The following FRMD5 variants were observed in gnomAD, a reference collection of about 807,000 sequenced individuals.
FRMD5 encodes the protein FERM domain-containing protein 5.
A neutral mutation model predicts 69.0 loss-of-function variants in FRMD5; 20 were observed. The observed-to-expected ratio is 0.29, with a 90% CI of 0.20 to 0.42. The LOEUF is 0.42. FRMD5 is among the 10% of genes least tolerant of loss of function. The pLI, the probability that FRMD5 is intolerant of heterozygous loss-of-function variation, is 1.00. For missense variants in FRMD5, 595 were observed against 708.6 expected (o/e 0.84, Z 1.82); for synonymous variants, 271 against 260.1 (o/e 1.04, Z -0.40).
Position 43,888,222 on chromosome 15 carries a change from C to A in FRMD5, c.837G>T (p.Ala279=). ...TTCCACATTTCCAGAGGTGCTTACA[C>A]GCTTCAGGAGTTGGAGCAAAATATG... ...ILTYFAPTPE[A]CKHLWKCGIE... Residue 279 remains alanine, a synonymous_variant, in exon 10 of 14, where the codon GCG becomes GCT. Transcript: ENST00000417257. 1 of 1,614,122 alleles carries A rather than the reference C, an allele frequency of 6.2e-7. No individual in the cohort carries two copies. The highest frequency in any genetic ancestry group is 8.5e-7 in the Non-Finnish European group (1 of 1,179,946).
At chr15:43,921,856 G>A (rs2089498544) in intron 2 of FRMD5, among the ~76,000 whole-genome samples, 1 of 152,192 alleles carries the variant, frequency 6.6e-6, no homozygotes, top group African/African-American at 2.4e-5. Flanking sequence ...AGCTCCTCCA[G>A]GAGAGACCAG....
At chr15:44,155,242 G>A (rs2077507972) in intron 1 of FRMD5, among the ~76,000 whole-genome samples, 1 of 151,986 alleles carries the variant, frequency 6.6e-6, no homozygotes, top group Non-Finnish European at 1.5e-5. Context: ...GACCATCCTG[G>A]CCAACACGGT....
rs774657107 is a variant in FRMD5, at chr15:43,870,880, T to C, written c.*3005A>G. On this transcript the variant is annotated 3_prime_UTR_variant, in exon 14 of 14. Coordinates refer to ENST00000417257, the MANE Select transcript of FRMD5 (RefSeq NM_032892.5). ...CATTGCTTTGAAGGAAAATGTAACTTAAGAGTTTTTGGCACACAGAAGGTT... is the reference window on the plus strand; with the variant it reads ...CATTGCTTTGAAGGAAAATGTAACTCAAGAGTTTTTGGCACACAGAAGGTT... The C allele has an allele frequency of 7.2e-5, 11 of 152,312 alleles. No homozygotes were observed. The highest frequency in any genetic ancestry group is 3.3e-4 in the Admixed American group (5 of 15,306). 9.4% of individuals were successfully genotyped at this position (152,312 alleles called of 1,614,324 possible). A position where few individuals can be genotyped will look rare whatever the true frequency, so the allele number is the denominator to read the frequency against.
upstream of FRMD5, among the ~76,000 whole-genome samples, chr15:44,197,901 C>T (rs1316612200): frequency 1.3e-5 from 2 of 152,074 alleles, no homozygotes; most frequent in Non-Finnish European, 2.9e-5. Context: ...TCCAGAAAAG[C>T]TCTAAGGAAC....
rs758771201 is a variant in FRMD5, at chr15:43,884,805, G to A, written c.960-10C>T. 7 of 1,612,958 alleles carry A rather than the reference G, an allele frequency of 4.3e-6. No homozygotes were observed. The highest frequency in any genetic ancestry group is 5.9e-6 in the Non-Finnish European group (7 of 1,178,982). On this transcript the variant is annotated splice_polypyrimidine_tract_variant and intron_variant, in intron 11 of 13. Coordinates refer to ENST00000417257, the MANE Select transcript of FRMD5 (RefSeq NM_032892.5). ...CTTTGCAACTCGGCCACTGTAAGTA[G>A]TGTAATAAAAACAAGCAGCAAGAAA...
chr15:43,880,256 G>A lies in FRMD5; in HGVS notation c.1135+3447C>T, dbSNP rs117734611. On this transcript the variant is annotated intron_variant, in intron 13 of 13. Transcript: ENST00000417257. ...TACTAAATGGGCCAAATGGACTATA[G>A]AAAAGAAAGTCTTTGGTGGAGCATG... Among the ~76,000 whole-genome samples the A allele has an allele frequency of 2.5e-3, 374 of 152,306 alleles. 9 individuals carry two copies. In the East Asian group the frequency reaches 0.053, roughly 22 times the overall value.
rs2090072316 is a variant in FRMD5, at chr15:43,953,699, G to A, written c.103-29390C>T. On this transcript the variant is annotated intron_variant, in intron 1 of 13. Transcript: ENST00000417257. ...CCTTAGCTATAATTTACACTCCTGT[G>A]CCAACAGAGAGTGATAACAGGTTTC... 2.6e-5 allele frequency among the ~76,000 whole-genome samples: 4 copies of A among 152,276 alleles called. No homozygotes were observed. In the South Asian group the frequency reaches 8.3e-4, roughly 32 times the overall value.
chr15:43,949,938 T>A (rs889076934), intron 1 of FRMD5, among the ~76,000 whole-genome samples: 1 of 152,070 alleles, frequency 6.6e-6, no homozygotes, highest in Non-Finnish European at 1.5e-5. Flanking sequence ...GCATGCTGCA[T>A]GGAGATTCCA....
intron 1 of FRMD5, among the ~76,000 whole-genome samples, chr15:44,043,178 C>T (rs532102146): frequency 6.6e-6 from 1 of 152,190 alleles, no homozygotes; most frequent in East Asian, 1.9e-4. Flanking sequence ...TTCACTATTG[C>T]TACAAAGAGA....
chr15:43,901,808 A>C, intron 7 of FRMD5: 1 of 220,800 alleles, frequency 4.5e-6, no homozygotes, highest in Non-Finnish European at 8.9e-6. Flanking sequence ...ACTCTCGGAA[A>C]GAAACTAGAT....
intron 1 of FRMD5, among the ~76,000 whole-genome samples, chr15:44,021,848 A>G (rs1371854101): frequency 1.3e-5 from 2 of 152,228 alleles, no homozygotes; most frequent in Non-Finnish European, 1.5e-5. Context: ...GTACACCACT[A>G]TTCAGAGAAG....
Position 44,039,909 on chromosome 15 carries a change from A to C in FRMD5, c.103-115600T>G, listed in dbSNP as rs372910986. Among the ~76,000 whole-genome samples the C allele has an allele frequency of 3.2e-4, 49 of 152,256 alleles. 1 individual carries two copies. Among genetic ancestry groups the C allele is most frequent in the African/African-American group, 1.2e-3 (49 of 41,578 alleles). On this transcript the variant is annotated intron_variant, in intron 1 of 13. Transcript: ENST00000417257. ...AAGGAGCATGTTCTAACCCAATGCAAGGAAGCTAAGAACCTTGAAAAAATG... is the reference window on the plus strand; with the variant it reads ...AAGGAGCATGTTCTAACCCAATGCACGGAAGCTAAGAACCTTGAAAAAATG...
intron 1 of FRMD5, among the ~76,000 whole-genome samples, chr15:44,017,194 C>T (rs899073843): frequency 1.3e-5 from 2 of 151,836 alleles, no homozygotes; most frequent in South Asian, 2.1e-4. Flanking sequence ...AAAAATTAGC[C>T]GGGCCTGGTG....
chr15:44,006,808 G>C (rs1261110593), intron 1 of FRMD5, among the ~76,000 whole-genome samples: 2 of 152,238 alleles, frequency 1.3e-5, no homozygotes, highest in Non-Finnish European at 2.9e-5. Flanking sequence ...TCTTGAGATG[G>C]AAACTACTCC....
intron 7 of FRMD5, 77 bp downstream of exon 7, chr15:43,902,098 C>T (rs928062824): frequency 2.5e-5 from 26 of 1,025,520 alleles, no homozygotes; most frequent in Admixed American, 1.6e-4. Context: ...GGCCTCTGAG[C>T]GCAGGCATGG....
chr15:43,922,828 T>C (rs1290790941), intron 2 of FRMD5, among the ~76,000 whole-genome samples: 1 of 151,978 alleles, frequency 6.6e-6, no homozygotes, highest in African/African-American at 2.4e-5. Flanking sequence ...ATGCCACCAT[T>C]TCCGCGAATT....
At chr15:43,920,370 A>G (rs2089473106) in intron 2 of FRMD5, among the ~76,000 whole-genome samples, 1 of 152,216 alleles carries the variant, frequency 6.6e-6, no homozygotes. Flanking sequence ...CTTGTGTTAG[A>G]AAACACATAC....
At chr15:44,110,707 T>C (rs1013551237) in intron 1 of FRMD5, among the ~76,000 whole-genome samples, 5 of 152,214 alleles carry the variant, frequency 3.3e-5, no homozygotes, top group African/African-American at 1.2e-4. Flanking sequence ...ACCCTGAAAC[T>C]CTCAAAGGTT....
chr15:44,092,894 T>C (rs975631804), intron 1 of FRMD5, among the ~76,000 whole-genome samples: 1 of 151,446 alleles, frequency 6.6e-6, no homozygotes, highest in Non-Finnish European at 1.5e-5. Flanking sequence ...TTACTTTGCA[T>C]TATAGTAATT....
Sources: gnomAD v4.1 joint callset for allele counts (sites outside exome capture counted in the v4.1 genomes callset) on GRCh38, gnomAD v4.1.1 for gene constraint, MANE v1.5 for transcripts, NCBI Gene and HGNC (gene_info 2026-07-23, HGNC 2026-07-21) for gene names.